The following GRM7 variants were observed in gnomAD, a reference collection of about 807,000 sequenced individuals.
GRM7 encodes glutamate metabotropic receptor 7.
In GRM7, 35 loss-of-function variants were observed where a neutral mutation model predicts 84.5. The ratio of observed to expected loss-of-function variants is 0.41; its 90% confidence interval spans 0.32 to 0.55. GRM7 has a LOEUF of 0.55. GRM7 is among the 20% of genes least tolerant of loss of function. GRM7 has a pLI of 0.19. For synonymous variants in GRM7, 487 were observed against 455.1 expected (o/e 1.07, Z -0.89); for missense variants, 1,003 against 1,194.6 (o/e 0.84, Z 2.36).
At chr3:7,012,526 G>C (rs1695410083) in intron 1 of GRM7, among the ~76,000 whole-genome samples, 1 of 152,028 alleles carries the variant, frequency 6.6e-6, no homozygotes, top group African/African-American at 2.4e-5. Flanking sequence ...AAAGGCAGAA[G>C]CAGGAAGGCC....
chr3:7,677,004 G>A (rs1012849434), intron 8 of GRM7, among the ~76,000 whole-genome samples: 3 of 151,860 alleles, frequency 2.0e-5, no homozygotes, highest in African/African-American at 4.8e-5. Context: ...GCTCACGCCT[G>A]TAATCCCAGC....
rs373113168 is a variant in GRM7, at chr3:7,422,557, C to T, written c.1174+7394C>T. ...AGTTTCTCCCTTCTCATCTGTCACTCCTGAATGTCTTGATTACAGGCTGGG... is the reference window on the plus strand; with the variant it reads ...AGTTTCTCCCTTCTCATCTGTCACTTCTGAATGTCTTGATTACAGGCTGGG... On this transcript the variant is annotated intron_variant, in intron 5 of 9. Transcript: ENST00000357716. Among the ~76,000 whole-genome samples the T allele has an allele frequency of 8.9e-4, 136 of 152,222 alleles. 5 individuals are homozygous for T. The South Asian group carries it at 0.026, about 29-fold the overall frequency.
intron 1 of GRM7, among the ~76,000 whole-genome samples, chr3:7,083,355 T>C (rs1470779782): frequency 1.3e-5 from 2 of 152,142 alleles, no homozygotes; most frequent in Non-Finnish European, 2.9e-5. Flanking sequence ...GGGATGCATA[T>C]TTTTTATGTA....
At chr3:7,153,058 G>A (rs924560551) in intron 2 of GRM7, among the ~76,000 whole-genome samples, 1 of 151,896 alleles carries the variant, frequency 6.6e-6, no homozygotes, top group African/African-American at 2.4e-5. Context: ...GCATCAGCTG[G>A]GTGCAGTAGA....
chr3:7,327,809 T>A (rs1213802232), intron 4 of GRM7, among the ~76,000 whole-genome samples: 1 of 152,236 alleles, frequency 6.6e-6, no homozygotes, highest in East Asian at 1.9e-4. Context: ...TCCTGATGTA[T>A]AATCAAAGCT....
chr3:7,725,279 G>A (rs1353437178), intron 9 of GRM7, among the ~76,000 whole-genome samples: 1 of 152,096 alleles, frequency 6.6e-6, no homozygotes, highest in Admixed American at 6.5e-5. Flanking sequence ...AGCCATCTTT[G>A]GGAATATCTT....
Position 7,579,364 on chromosome 3 carries a change from G to A in GRM7, c.2451+7G>A. 6.8e-7 allele frequency: 1 copy of A among 1,467,982 alleles called. No individual in the cohort carries two copies. The allele number at this position is 1,467,982 out of a possible 1,614,324, so 90.9% of individuals were successfully genotyped here. A position where few individuals can be genotyped will look rare whatever the true frequency, so the allele number is the denominator to read the frequency against. On this transcript the variant is annotated splice_region_variant and intron_variant, in intron 8 of 9. Coordinates refer to ENST00000357716, the MANE Select transcript of GRM7 (RefSeq NM_000844.4). ...CGCTCAATCAGCGGAAAAGGTAAGTGAAAATGCACATCATAATATGTTTTT... is the reference window on the plus strand; with the variant it reads ...CGCTCAATCAGCGGAAAAGGTAAGTAAAAATGCACATCATAATATGTTTTT...
intron 7 of GRM7, among the ~76,000 whole-genome samples, chr3:7,515,515 G>A (rs1304262587): frequency 3.3e-5 from 5 of 152,204 alleles, no homozygotes; most frequent in African/African-American, 1.2e-4. Context: ...AAGCCATTAA[G>A]TTGTAAAATC....
rs149171285 is a variant in GRM7, at chr3:7,122,424, GA to G, written c.520-24027del. Among the ~76,000 whole-genome samples the G allele has an allele frequency of 3.5e-3, 531 of 152,178 alleles. 2 individuals are homozygous for G. The highest frequency in any genetic ancestry group is 0.012 in the African/African-American group (502 of 41,548). On this transcript the variant is annotated intron_variant, in intron 1 of 9. Coordinates refer to ENST00000357716, the MANE Select transcript of GRM7 (RefSeq NM_000844.4). ...ATAAATTTATAGGTTGTCAAAAAAA[GA>G]TTTTTTTAAGAAACCCTAATTCTGA... is the stretch of plus-strand genomic sequence containing the variant.
intron 1 of GRM7, among the ~76,000 whole-genome samples, chr3:6,915,181 G>A (rs183756604): frequency 6.6e-6 from 1 of 152,220 alleles, no homozygotes; most frequent in South Asian, 2.1e-4. Context: ...ATTTTGTGAT[G>A]AATCTTATAT....
chr3:7,134,217 A>T (rs753529519), intron 1 of GRM7, among the ~76,000 whole-genome samples: 7 of 152,162 alleles, frequency 4.6e-5, no homozygotes, highest in African/African-American at 7.2e-5. Flanking sequence ...GTCTAGCTTG[A>T]TGAGAACTGC....
intron 1 of GRM7, among the ~76,000 whole-genome samples, chr3:6,974,503 G>A (rs531185685): frequency 1.3e-5 from 2 of 152,276 alleles, no homozygotes; most frequent in South Asian, 4.1e-4. Context: ...ACTGAGCTTG[G>A]GAACTCAACA....
At chr3:7,275,787 A>G (rs1699030070) in intron 2 of GRM7, among the ~76,000 whole-genome samples, 1 of 152,094 alleles carries the variant, frequency 6.6e-6, no homozygotes, top group South Asian at 2.1e-4. Flanking sequence ...TTTCTCACAT[A>G]TATTCACTGT....
At chr3:7,701,829 T>C (rs1701240551) in intron 9 of GRM7, among the ~76,000 whole-genome samples, 1 of 152,170 alleles carries the variant, frequency 6.6e-6, no homozygotes, top group Non-Finnish European at 1.5e-5. Context: ...CTGATGATCT[T>C]CAATTAGACA....
intron 7 of GRM7, among the ~76,000 whole-genome samples, chr3:7,572,009 A>C (rs1694686664): frequency 6.6e-6 from 1 of 152,196 alleles, no homozygotes; most frequent in Non-Finnish European, 1.5e-5. Flanking sequence ...TCATGAGAAC[A>C]GTGCAGGAAA....
chr3:7,605,812 T>A (rs894480373), intron 8 of GRM7, among the ~76,000 whole-genome samples: 6 of 152,212 alleles, frequency 3.9e-5, no homozygotes, highest in Admixed American at 3.3e-4. Context: ...AAAGGCCAAT[T>A]AGTAAATATT....
intron 7 of GRM7, among the ~76,000 whole-genome samples, chr3:7,538,118 T>G (rs945217978): frequency 6.6e-6 from 1 of 152,194 alleles, no homozygotes; most frequent in Non-Finnish European, 1.5e-5. Flanking sequence ...ATTTTTATTA[T>G]TATTTTTTGA....
At chr3:6,971,045 A>G (rs1390705725) in intron 1 of GRM7, among the ~76,000 whole-genome samples, 2 of 152,074 alleles carry the variant, frequency 1.3e-5, no homozygotes, top group Non-Finnish European at 2.9e-5. Context: ...AGCTCAGACC[A>G]CAGTGCAAAC....
intron 1 of GRM7, among the ~76,000 whole-genome samples, chr3:7,012,334 C>CT (rs1695402779): frequency 6.6e-6 from 1 of 152,126 alleles, no homozygotes; most frequent in Admixed American, 6.5e-5. Context: ...ACCTGGAAAT[C>CT]TTTTTTCAAT....
Sources: allele counts gnomAD v4.1 joint callset (sites outside exome capture counted in the v4.1 genomes callset), GRCh38; gene constraint gnomAD v4.1.1; transcripts MANE v1.5; gene names NCBI Gene and HGNC (gene_info 2026-07-23, HGNC 2026-07-21).